Variants in TOGARAM1 observed in about 807,000 individuals in gnomAD.
TOGARAM1 encodes the protein TOG array regulator of axonemal microtubules 1.
In TOGARAM1, 100 loss-of-function variants were observed where a neutral mutation model predicts 166.6. That is an observed-to-expected ratio of 0.60 (90% CI 0.51 to 0.71). TOGARAM1 has a LOEUF of 0.71. TOGARAM1 is among the 30% of genes least tolerant of loss of function. The pLI, the probability that TOGARAM1 is intolerant of heterozygous loss-of-function variation, is 0.00. For synonymous variants in TOGARAM1, 758 were observed against 763.8 expected, an observed-to-expected ratio of 0.99 and a Z score of 0.13; for missense variants, 2,029 against 2,102.7, an observed-to-expected ratio of 0.96 and a Z score of 0.69.
chr14:45,029,962 C>T (rs1328658678), intron 10 of TOGARAM1, among the ~76,000 whole-genome samples: 1 of 152,122 alleles, frequency 6.6e-6, no homozygotes, highest in Non-Finnish European at 1.5e-5. Context: ...GCTGGGACTA[C>T]AGGTGTGCAC....
chr14:44,993,746 A>G (rs1259583773), intron 1 of TOGARAM1, among the ~76,000 whole-genome samples: 1 of 152,164 alleles, frequency 6.6e-6, no homozygotes, highest in African/African-American at 2.4e-5. Context: ...TCTCTGCCTG[A>G]CTGCTGAAGA....
At chr14:44,983,699 T>A (rs1201213076) in intron 1 of TOGARAM1, among the ~76,000 whole-genome samples, 1 of 152,248 alleles carries the variant, frequency 6.6e-6, no homozygotes, top group African/African-American at 2.4e-5. Context: ...ATTGTACTAA[T>A]GTGTTTGGTA....
intron 1 of TOGARAM1, among the ~76,000 whole-genome samples, chr14:44,992,770 A>G (rs982132253): frequency 6.6e-6 from 1 of 151,432 alleles, no homozygotes; most frequent in Non-Finnish European, 1.5e-5. Flanking sequence ...GGCGCCTGCC[A>G]CCACGCCCGA....
chr14:45,026,598 T>G (rs546240570), intron 8 of TOGARAM1, among the ~76,000 whole-genome samples: 11 of 152,326 alleles, frequency 7.2e-5, no homozygotes, highest in African/African-American at 2.6e-4. Flanking sequence ...CAACTCTGCA[T>G]GTAAACATCC....
Position 45,004,074 on chromosome 14 carries a change from C to T in TOGARAM1, c.2352C>T (p.Leu784=), listed in dbSNP as rs749398053. The change falls in exon 4 of 20, where the codon CTC becomes CTT. Residue 784 remains leucine (L), a synonymous_variant. Coordinates refer to ENST00000361462, the MANE Select transcript of TOGARAM1 (RefSeq NM_001308120.2). The part of the protein sequence containing the change: ...SSHQEKVYAS[L]NFGSKTQQTF... ...GTTTTATTACAGTGTATGCTAGCCTCAATTTTGGCAGTAAGACACAGCAAA... is the reference window on the plus strand; with the variant it reads ...GTTTTATTACAGTGTATGCTAGCCTTAATTTTGGCAGTAAGACACAGCAAA... 6.8e-6 allele frequency: 11 copies of T among 1,613,784 alleles called. No homozygotes were observed. The highest frequency in any genetic ancestry group is 1.3e-5 in the African/African-American group (1 of 74,898).
In TOGARAM1 at chr14:45,032,332, A is replaced by C. The variant is rs927438782; in HGVS notation, c.3768A>C (p.Glu1256Asp). 14 of 1,614,004 alleles carry C rather than the reference A, an allele frequency of 8.7e-6. No homozygotes were observed. The Admixed American group carries it at 2.0e-4, about 23-fold the overall frequency. Residue 1256 changes from glutamate to aspartate, a missense_variant, in exon 11 of 20, where the codon GAA becomes GAC. Physicochemically the swap from Glu to Asp is conservative, Grantham distance 45 (BLOSUM62 2). Around this residue, in one of 2 missense-constraint regions of TOGARAM1, gnomAD observed 576 missense variants for 670.5 expected, o/e 0.86. Transcript: ENST00000361462. ...AACTACGACCATTCTCTAAACCAGAAATAGCACTGACAGAAGCCCTGAGGC... is the reference window on the plus strand; with the variant it reads ...AACTACGACCATTCTCTAAACCAGACATAGCACTGACAGAAGCCCTGAGGC... ...LSELRPFSKP[E>D]IALTEALRLL...
intron 7 of TOGARAM1, among the ~76,000 whole-genome samples, chr14:45,021,586 C>T (rs993569741): frequency 1.3e-5 from 2 of 152,112 alleles, no homozygotes; most frequent in South Asian, 2.1e-4. Flanking sequence ...GAATAGCTAG[C>T]GTTGTCTCCT....
At chr14:45,028,437 A>G in intron 10 of TOGARAM1, 108 bp downstream of exon 10, 3 of 1,196,872 alleles carry the variant, frequency 2.5e-6, no homozygotes, top group Non-Finnish European at 3.5e-6. Flanking sequence ...AATATCTTAT[A>G]TAACACCGAA....
At chr14:44,975,593 G>A (rs537114834) in intron 1 of TOGARAM1, among the ~76,000 whole-genome samples, 2 of 151,904 alleles carry the variant, frequency 1.3e-5, no homozygotes, top group East Asian at 3.9e-4. Context: ...CAGCCTCCCG[G>A]ATAACTGGGA....
At chr14:44,975,055 T>G (rs1886104283) in intron 1 of TOGARAM1, among the ~76,000 whole-genome samples, 1 of 152,224 alleles carries the variant, frequency 6.6e-6, no homozygotes, top group Non-Finnish European at 1.5e-5. Context: ...AAAGAGATTC[T>G]TGCTTCCTTT....
intron 1 of TOGARAM1, among the ~76,000 whole-genome samples, chr14:44,975,585 G>C (rs962218520): frequency 6.6e-6 from 1 of 152,054 alleles, no homozygotes; most frequent in Non-Finnish European, 1.5e-5. Context: ...TCCCACCTCA[G>C]CCTCCCGGAT....
rs750847664 is a variant in TOGARAM1 at position 45,061,640 on chromosome 14, AT to A, written c.4560-4932del. Among the ~76,000 whole-genome samples the A allele has an allele frequency of 1.3e-4, 20 of 152,184 alleles. No homozygotes were observed. The East Asian group carries it at 3.7e-3, about 28-fold the overall frequency. On this transcript the variant is annotated intron_variant, in intron 16 of 19. Coordinates refer to ENST00000361462, the MANE Select transcript of TOGARAM1 (RefSeq NM_001308120.2). ...TTCCAGCATCTATTAAGATAATTAT[AT>A]TTTTTGTTTATTTTGTTACTATTGT...
chr14:45,005,973 A>T (rs763053882), intron 4 of TOGARAM1, 35 bp from the exon 5 acceptor site: 1 of 1,511,574 alleles, frequency 6.6e-7, no homozygotes, highest in South Asian at 1.4e-5. Context: ...CTAAAATTAG[A>T]AAAAGAAAAA....
intron 16 of TOGARAM1, among the ~76,000 whole-genome samples, chr14:45,065,559 T>C (rs1883103119): frequency 6.6e-6 from 1 of 152,198 alleles, no homozygotes. Flanking sequence ...GAGTTACCCC[T>C]TTATAGCCAC....
rs768715321 is a variant in TOGARAM1 at position 44,964,475 on chromosome 14, T to C, written c.2046+8T>C. The C allele has an allele frequency of 7.2e-6, 11 of 1,524,862 alleles. No individual in the cohort carries two copies. In the Admixed American group the frequency reaches 2.4e-4, roughly 33 times the overall value. 94.5% of individuals were successfully genotyped at this position (1,524,862 alleles called of 1,614,324 possible). Reference sequence around the variant, plus strand: ...TCCAAGGATATAGAGCAGGTATGCTTCTCTAATTTTCTTGAGTCGAAAGTG... The same window carrying C: ...TCCAAGGATATAGAGCAGGTATGCTCCTCTAATTTTCTTGAGTCGAAAGTG... On this transcript the variant is annotated splice_region_variant and intron_variant, in intron 1 of 19. Coordinates refer to ENST00000361462, the MANE Select transcript of TOGARAM1 (RefSeq NM_001308120.2).
At chr14:45,041,429 C>A (rs1377846678) in intron 11 of TOGARAM1, among the ~76,000 whole-genome samples, 1 of 152,124 alleles carries the variant, frequency 6.6e-6, no homozygotes, top group African/African-American at 2.4e-5. Flanking sequence ...AAAGTTTCCA[C>A]AAAGAAAACT....
intron 16 of TOGARAM1, among the ~76,000 whole-genome samples, chr14:45,060,054 A>G (rs1345620905): frequency 6.6e-6 from 1 of 151,042 alleles, no homozygotes; most frequent in Non-Finnish European, 1.5e-5. Context: ...CTGGGACTAC[A>G]GGCACCCGCC....
At chr14:44,967,474 G>T (rs374434772) in intron 1 of TOGARAM1, among the ~76,000 whole-genome samples, 2 of 152,078 alleles carry the variant, frequency 1.3e-5, no homozygotes, top group South Asian at 2.1e-4. Context: ...TCAGAATTTT[G>T]TGGTCAAACT....
At chr14:45,001,756 G>T (rs58582571) in intron 3 of TOGARAM1, among the ~76,000 whole-genome samples, 5,234 of 152,066 alleles carry the variant, frequency 0.034, 296 homozygotes, top group African/African-American at 0.12. Context: ...ATTATTTTCC[G>T]TAACAGTTTT....
Sources: allele counts gnomAD v4.1 joint callset (sites outside exome capture counted in the v4.1 genomes callset), GRCh38; gene constraint gnomAD v4.1.1; regional missense constraint gnomAD v4.1.1; transcripts MANE v1.5; gene names NCBI Gene and HGNC (gene_info 2026-07-23, HGNC 2026-07-21).